The following AHNAK2 variants were observed in gnomAD, a reference collection of about 807,000 sequenced individuals.
AHNAK2 encodes the protein AHNAK nucleoprotein 2, also known as protein AHNAK2.
Under a neutral mutation model 30.7 loss-of-function variants are expected in AHNAK2, and 18 were observed. The observed-to-expected ratio is 0.59, with a 90% CI of 0.41 to 0.87. AHNAK2 has a LOEUF of 0.87. AHNAK2 is among the 40% of genes least tolerant of loss of function. The pLI is 0.00. For synonymous variants in AHNAK2, 3,590 were observed against 3,073.8 expected (o/e 1.17, Z -5.56); for missense variants, 8,604 against 7,373.0 (o/e 1.17, Z -6.11).
intron 3 of AHNAK2, among the ~76,000 whole-genome samples, chr14:104,957,193 T>C (rs565205376): frequency 7.2e-5 from 11 of 152,128 alleles, no homozygotes; most frequent in African/African-American, 2.2e-4. Flanking sequence ...ATACGCATGC[T>C]CACAAGAGCT....
At position 104,938,840 on chromosome 14, in the gene AHNAK2, T is replaced by C. The variant is rs201311821; in HGVS notation, c.16611A>G (p.Thr5537=). The change falls in exon 7 of 7, where the codon ACA becomes ACG. Residue 5537 remains threonine, a synonymous_variant. Transcript: ENST00000333244. ...CCTGAGTCCTAGAGTGTTGAGTCAT[T>C]GTTGTGTACACTCTAGCCTGCGTGT... ...EPHTQARVYT[T]MTQHSRTQEG... The C allele has an allele frequency of 2.6e-5, 42 of 1,613,894 alleles. No homozygotes were observed. Among genetic ancestry groups the C allele is most frequent in the Non-Finnish European group, 3.4e-5 (40 of 1,179,870 alleles).
rs1331263060 is a variant in AHNAK2 at position 104,948,465 on chromosome 14, C to T, written c.6986G>A (p.Gly2329Glu). The T allele has an allele frequency of 3.1e-6, 5 of 1,610,708 alleles. No individual in the cohort carries two copies. The highest frequency in any genetic ancestry group is 4.2e-6 in the Non-Finnish European group (5 of 1,178,628). ...KMPKFKMLSF[G>E]VSALGKSIEA... ...GATGGACTTGCCAAGGGCAGACACC[C>T]CAAACGACAGCATCTTGAACTTGGG... The change falls in exon 7 of 7, where the codon GGG becomes GAG. Residue 2329 changes from glycine to glutamate, a missense_variant. Physicochemically the swap from Gly to Glu is moderately conservative, Grantham distance 98 (BLOSUM62 -2). Transcript: ENST00000333244.
At position 104,947,257 on chromosome 14, in the gene AHNAK2, G is replaced by A. The variant is rs367919095; in HGVS notation, c.8194C>T (p.Pro2732Ser). Residue 2732 changes from proline to serine, a missense_variant, in exon 7 of 7, where the codon CCC becomes TCC. Transcript: ENST00000333244. ...PEGAGLKGHLPKLQMPSFKMP... is the reference protein window; with the variant it reads ...PEGAGLKGHLSKLQMPSFKMP... ...TTGAAACTGGGCATCTGCAGCTTGG[G>A]CAGGTGCCCTTTGAGGCCGGCTCCC... is the stretch of plus-strand genomic sequence containing the variant. 6 of 1,611,450 alleles carry A rather than the reference G, an allele frequency of 3.7e-6. No individual in the cohort carries two copies. The African/African-American group carries it at 8.1e-5, about 22-fold the overall frequency.
chr14:104,973,750 C>T (rs1899531984), intron 1 of AHNAK2, among the ~76,000 whole-genome samples: 1 of 152,190 alleles, frequency 6.6e-6, no homozygotes, highest in Non-Finnish European at 1.5e-5. Flanking sequence ...CTCCCACCAC[C>T]GCCACCCCTG....
chr14:104,940,024 C>T lies in AHNAK2; in HGVS notation c.15427G>A (p.Val5143Met), dbSNP rs867587226. 6.2e-7 allele frequency: 1 copy of T among 1,611,068 alleles called. No homozygotes were observed. The highest frequency in any genetic ancestry group is 8.5e-7 in the Non-Finnish European group (1 of 1,178,394). The change falls in exon 7 of 7, where the codon GTG (valine) becomes ATG (methionine). Residue 5143 changes from valine (V) to methionine (M), a missense_variant. Transcript: ENST00000333244. The surrounding 1 kb of genome is among the most constrained non-coding windows in gnomAD (Gnocchi z 4.4). Reference sequence around the variant, plus strand: ...ATCCCCTCCCCACAAGGCTGGCTCACTGGGACATCCCCGAGCCCACATCCT... The same window carrying T: ...ATCCCCTCCCCACAAGGCTGGCTCATTGGGACATCCCCGAGCCCACATCCT... ...SRGCGLGDVP[V>M]SQPCGEGIAP...
intron 1 of AHNAK2, among the ~76,000 whole-genome samples, chr14:104,971,293 T>G (rs1412082339): frequency 6.6e-6 from 1 of 152,152 alleles, no homozygotes; most frequent in East Asian, 1.9e-4. Context: ...TTAAAAATTT[T>G]TTGTAGAGAT....
chr14:104,951,338 G>C lies in AHNAK2; in HGVS notation c.4113C>G (p.Leu1371=), dbSNP rs201835075. 606 of 1,074,620 alleles carry C rather than the reference G, an allele frequency of 5.6e-4. 142 individuals are homozygous for C. Among genetic ancestry groups the C allele is most frequent in the African/African-American group, 5.2e-3 (358 of 69,178 alleles). 66.6% of individuals were successfully genotyped at this position (1,074,620 alleles called of 1,614,324 possible). A position where few individuals can be genotyped will look rare whatever the true frequency, so the allele number is the denominator to read the frequency against. The change falls in exon 7 of 7, where the codon CTC becomes CTG. Residue 1371 remains leucine (L), a synonymous_variant. Coordinates refer to ENST00000333244, the MANE Select transcript of AHNAK2 (RefSeq NM_138420.4). ...GCTGAATGCTGAGGTCAGTGGTCTT[G>C]AGGTCCCCCTGCATGGAGGGGAGGC... is the stretch of plus-strand genomic sequence containing the variant. The part of the protein sequence containing the change: ...DMSLPSMQGD[L]KTTDLSIQPP...
intron 1 of AHNAK2, among the ~76,000 whole-genome samples, chr14:104,961,350 T>TA (rs1328241825): frequency 5.9e-5 from 9 of 151,328 alleles, no homozygotes; most frequent in Non-Finnish European, 1.2e-4. Flanking sequence ...CCGTCTCTAC[T>TA]AAAAATACAA....
rs10134675 is a variant in AHNAK2 at position 104,948,892 on chromosome 14, T to G, written c.6559A>C (p.Met2187Leu). The stretch of plus-strand genomic sequence containing the variant: ...TCCCCCTGCATGGAGGGGAGACTCA[T>G]GTCGGCCTCCACCTTGGGTGGAGAC... Reference protein sequence around the residue: ...DVSPPKVEADMSLPSMQGDLK... With the variant: ...DVSPPKVEADLSLPSMQGDLK... The change falls in exon 7 of 7, where the codon ATG becomes CTG. Residue 2187 changes from methionine to leucine, a missense_variant. Met to Leu is a conservative substitution (Grantham distance 15). Transcript: ENST00000333244. The G allele has an allele frequency of 1.3e-4, 214 of 1,590,774 alleles. 2 individuals are homozygous for G. The highest frequency in any genetic ancestry group is 7.8e-4 in the Admixed American group (45 of 58,028).
At chr14:104,959,590 T>C (rs1183412607) in intron 1 of AHNAK2, among the ~76,000 whole-genome samples, 3 of 152,106 alleles carry the variant, frequency 2.0e-5, no homozygotes, top group Admixed American at 6.5e-5. Context: ...TGAGCTGTGA[T>C]TGCACCACTT....
rs752794853 is a variant in AHNAK2 at position 104,954,185 on chromosome 14, C to A, written c.1266G>T (p.Lys422Asn). Residue 422 changes from lysine (K) to asparagine (N), a missense_variant, in exon 7 of 7, where the codon AAG becomes AAT. Transcript: ENST00000333244. The surrounding 1 kb of genome is among the most constrained non-coding windows in gnomAD (Gnocchi z 4.3). ...GGLRAARLHG[K>N]TLEGQAQETA... ...TCTCCTGTGCCTGCCCCTCCAGGGT[C>A]TTTCCATGGAGCCTGGCTGCCCTGA... is the stretch of plus-strand genomic sequence containing the variant. 1.2e-6 allele frequency: 2 copies of A among 1,610,296 alleles called. No individual in the cohort carries two copies. Among genetic ancestry groups the A allele is most frequent in the Non-Finnish European group, 1.7e-6 (2 of 1,179,754 alleles).
In AHNAK2 at chr14:104,952,377, G is replaced by A. The variant is rs1208459716; in HGVS notation, c.3074C>T (p.Ala1025Val). 6.2e-7 allele frequency: 1 copy of A among 1,612,904 alleles called. No individual in the cohort carries two copies. The highest frequency in any genetic ancestry group is 1.7e-5 in the Admixed American group (1 of 59,948). Reference sequence around the variant, plus strand: ...ACTCAGGTCGGCCTCCACCTTGGGTGCAGACACATCCACCAAGGCCTTGAT... The same window carrying A: ...ACTCAGGTCGGCCTCCACCTTGGGTACAGACACATCCACCAAGGCCTTGAT... ...KSIKALVDVS[A>V]PKVEADLSLP... Residue 1025 changes from alanine (A) to valine (V), a missense_variant, in exon 7 of 7, where the codon GCA becomes GTA. Coordinates refer to ENST00000333244, the MANE Select transcript of AHNAK2 (RefSeq NM_138420.4).
chr14:104,962,572 T>C (rs1899178560), intron 1 of AHNAK2, among the ~76,000 whole-genome samples: 1 of 152,124 alleles, frequency 6.6e-6, no homozygotes, highest in Non-Finnish European at 1.5e-5. Context: ...ATTACAGGCA[T>C]GCGCCATCAT....
intron 1 of AHNAK2, among the ~76,000 whole-genome samples, chr14:104,976,845 G>A (rs1453456566): frequency 2.0e-5 from 3 of 152,210 alleles, no homozygotes; most frequent in Non-Finnish European, 4.4e-5. Flanking sequence ...ATGCCTGGGG[G>A]CCCTGCCCTT....
Position 104,952,517 on chromosome 14 carries a change from C to G in AHNAK2, c.2934G>C (p.Ala978=), listed in dbSNP as rs187487745. Residue 978 remains alanine (A), a synonymous_variant, in exon 7 of 7, where the codon GCG becomes GCC. Coordinates refer to ENST00000333244, the MANE Select transcript of AHNAK2 (RefSeq NM_138420.4). The part of the protein sequence containing the change: ...VQAQKAKLDG[A]WLEGDLSLAD... ...CCAGGGACAGGTCCCCCTCCAGCCA[C>G]GCACCATCCAGCTTGGCCTTCTGGG... is the stretch of plus-strand genomic sequence containing the variant. 121 of 1,612,472 alleles carry G rather than the reference C, an allele frequency of 7.5e-5. 3 individuals carry two copies. In the African/African-American group the frequency reaches 1.4e-3, roughly 19 times the overall value.
Position 104,953,814 on chromosome 14 carries a change from T to A in AHNAK2, c.1637A>T (p.His546Leu), listed in dbSNP as rs375555715. 1.9e-6 allele frequency: 3 copies of A among 1,613,848 alleles called. No individual in the cohort carries two copies. The highest frequency in any genetic ancestry group is 2.5e-6 in the Non-Finnish European group (3 of 1,179,900). Residue 546 changes from histidine (H) to leucine (L), a missense_variant, in exon 7 of 7, where the codon CAT (histidine) becomes CTT (leucine). By Grantham distance (99) the His-to-Leu change is moderately conservative (BLOSUM62 -3). Transcript: ENST00000333244. ...GWMPGREPTTHAEAQGDEGDG... is the reference protein window; with the variant it reads ...GWMPGREPTTLAEAQGDEGDG... ...TCCTTCATCCCCCTGTGCTTCTGCA[T>A]GTGTGGTTGGTTCCCTGCCCGGCAT...
Position 104,950,187 on chromosome 14 carries a change from G to C in AHNAK2, c.5264C>G (p.Ala1755Gly). The part of the protein sequence containing the change: ...QMPSLKMPKV[A>G]LKGPQMDVKG... ...GACGTCCATCTGGGGGCCCTTGAGG[G>C]CCACTTTGGGCATCTTCAAACTGGG... The change falls in exon 7 of 7, where the codon GCC becomes GGC. Residue 1755 changes from alanine to glycine, a missense_variant. Transcript: ENST00000333244. The C allele has an allele frequency of 1.3e-6, 2 of 1,576,360 alleles. No homozygotes were observed. Among genetic ancestry groups the C allele is most frequent in the Non-Finnish European group, 1.7e-6 (2 of 1,158,268 alleles).
Position 104,956,667 on chromosome 14 carries a change from C to A in AHNAK2, c.236G>T (p.Gly79Val). Residue 79 changes from glycine (G) to valine (V), a missense_variant, in exon 4 of 7, where the codon GGT becomes GTT. Gly to Val is a moderately radical substitution (Grantham distance 109, BLOSUM62 -3). Transcript: ENST00000333244. Reference protein sequence around the residue: ...GLQEDAPGRQGSAGRRRSWWK... With the variant: ...GLQEDAPGRQVSAGRRRSWWK... ...CCAGGATCTCCGTCTCCCAGCAGAA[C>A]CTTGCCTGCCGGGGGCGTCTTCCTG... 8 of 1,613,816 alleles carry A rather than the reference C, an allele frequency of 5.0e-6. No homozygotes were observed. Among genetic ancestry groups the A allele is most frequent in the Non-Finnish European group, 6.8e-6 (8 of 1,179,882 alleles).
intron 1 of AHNAK2, among the ~76,000 whole-genome samples, chr14:104,976,862 C>T (rs996257032): frequency 5.9e-5 from 9 of 152,170 alleles, no homozygotes; most frequent in African/African-American, 2.2e-4. Flanking sequence ...CCTTCTCCCT[C>T]TGAGGAGGTC....
Sources: gnomAD v4.1 joint callset for allele counts (sites outside exome capture counted in the v4.1 genomes callset) on GRCh38, gnomAD v4.1.1 for gene constraint, Gnocchi (gnomAD v3.1) non-coding constraint, MANE v1.5 for transcripts, NCBI Gene and HGNC (gene_info 2026-07-23, HGNC 2026-07-21) for gene names.